Variants in BLOC1S5 observed in about 807,000 individuals in gnomAD.
BLOC1S5 encodes the protein biogenesis of lysosome-related organelles complex 1 subunit 5.
BLOC1S5 carries 27 observed loss-of-function variants against 24.3 expected under a neutral mutation model. The ratio of observed to expected loss-of-function variants is 1.11; its 90% CI spans 0.82 to 1.53. BLOC1S5 has a LOEUF of 1.53. Among genes scored for constraint, BLOC1S5 ranks in the 40% most tolerant of loss-of-function variants. BLOC1S5 has a pLI of 0.00. For missense variants in BLOC1S5, 239 were observed against 229.4 expected (o/e 1.04, Z -0.27); for synonymous variants, 84 against 74.5 (o/e 1.13, Z -0.66).
intron 2 of BLOC1S5, among the ~76,000 whole-genome samples, chr6:8,052,893 G>A (rs1581430999): frequency 7.4e-6 from 1 of 135,130 alleles, no homozygotes; most frequent in Non-Finnish European, 1.6e-5. Context: ...GCGAGACTCT[G>A]TCAAAAAAAA....
intron 3 of BLOC1S5, among the ~76,000 whole-genome samples, chr6:8,035,780 A>G (rs954704637): frequency 3.3e-5 from 5 of 152,200 alleles, no homozygotes; most frequent in African/African-American, 1.2e-4. Flanking sequence ...AGAATGCAAT[A>G]GCCGCAGGAG....
At position 8,061,238 on chromosome 6, in the gene BLOC1S5, T is replaced by A. The variant is rs1764502332; in HGVS notation, c.195+1296A>T. Among the ~76,000 whole-genome samples, 3 of 152,096 alleles carry A rather than the reference T, an allele frequency of 2.0e-5. No individual in the cohort carries two copies. The South Asian group carries it at 6.3e-4, about 32-fold the overall frequency. ...TTATTCTTATTCCTAATAAGAATAATAAATAATGATGACAAATAAATAAAT... is the reference window on the plus strand; with the variant it reads ...TTATTCTTATTCCTAATAAGAATAAAAAATAATGATGACAAATAAATAAAT... On this transcript the variant is annotated intron_variant, in intron 2 of 4. Coordinates refer to ENST00000397457, the MANE Select transcript of BLOC1S5 (RefSeq NM_201280.3).
intron 2 of BLOC1S5, among the ~76,000 whole-genome samples, chr6:8,043,295 T>A (rs1476284936): frequency 6.6e-6 from 1 of 152,098 alleles, no homozygotes; most frequent in African/African-American, 2.4e-5. Context: ...ACTAGCAACA[T>A]GATACTAGAG....
At chr6:8,061,582 T>C (rs564154260) in intron 2 of BLOC1S5, among the ~76,000 whole-genome samples, 3 of 152,336 alleles carry the variant, frequency 2.0e-5, no homozygotes, top group Admixed American at 6.5e-5. Context: ...GCTTATCTAA[T>C]GCAACAGCTC....
At chr6:8,017,309 C>T (rs1429658736) in intron 4 of BLOC1S5, among the ~76,000 whole-genome samples, 1 of 151,978 alleles carries the variant, frequency 6.6e-6, no homozygotes, top group East Asian at 1.9e-4. Context: ...ACCTGAGAGG[C>T]GGAGGTTGCA....
In BLOC1S5 at chr6:8,025,230, C is replaced by A. The variant is rs141006672; in HGVS notation, c.384+1137G>T. ...TTTAGCTCCTTAAGTGTAGGAACAG[C>A]CCTAAAGTTAACAAAATCGATCATC... On this transcript the variant is annotated intron_variant, in intron 4 of 4. Coordinates refer to ENST00000397457, the MANE Select transcript of BLOC1S5 (RefSeq NM_201280.3). Among the ~76,000 whole-genome samples the A allele has an allele frequency of 1.9e-3, 288 of 152,356 alleles. 1 individual carries two copies. The highest frequency in any genetic ancestry group is 6.6e-3 in the African/African-American group (276 of 41,582).
In BLOC1S5 at chr6:8,024,168, T is replaced by C. The variant is rs1227026328; in HGVS notation, c.384+2199A>G. 2.0e-5 allele frequency among the ~76,000 whole-genome samples: 3 copies of C among 152,044 alleles called. No individual in the cohort carries two copies. The East Asian group carries it at 5.8e-4, about 29-fold the overall frequency. ...AACATTTCAGTATATTTTAAAATACTAATTTTTAATATATATTCTATAAAA... is the reference window on the plus strand; with the variant it reads ...AACATTTCAGTATATTTTAAAATACCAATTTTTAATATATATTCTATAAAA... On this transcript the variant is annotated intron_variant, in intron 4 of 4. Transcript: ENST00000397457.
At chr6:8,054,631 G>A (rs778553586) in intron 2 of BLOC1S5, among the ~76,000 whole-genome samples, 10 of 152,208 alleles carry the variant, frequency 6.6e-5, no homozygotes, top group African/African-American at 1.9e-4. Flanking sequence ...TAACAACTGC[G>A]TTTTCTTGCC....
chr6:8,028,874 C>T (rs150538621), intron 3 of BLOC1S5, among the ~76,000 whole-genome samples: 1 of 151,836 alleles, frequency 6.6e-6, no homozygotes, highest in East Asian at 1.9e-4. Context: ...TTTCTCTGAA[C>T]CTTCCTATCA....
In BLOC1S5 at chr6:8,041,127, T is replaced by C. The variant is rs1391971071; in HGVS notation, c.325+12A>G. 3 of 1,562,602 alleles carry C rather than the reference T, an allele frequency of 1.9e-6. No individual in the cohort carries two copies. Among genetic ancestry groups the C allele is most frequent in the East Asian group, 2.3e-5 (1 of 43,780 alleles). On this transcript the variant is annotated intron_variant, in intron 3 of 4. Transcript: ENST00000397457. ...GAAATGAAAAGCAATTAAAAAAGAATTGCTGACTCACATCTCTGGAGAACC... is the reference window on the plus strand; with the variant it reads ...GAAATGAAAAGCAATTAAAAAAGAACTGCTGACTCACATCTCTGGAGAACC...
In BLOC1S5 at chr6:8,064,309, C is replaced by G; in HGVS notation, c.68G>C (p.Arg23Thr). 6.2e-7 allele frequency: 1 copy of G among 1,613,742 alleles called. No individual in the cohort carries two copies. The change falls in exon 1 of 5, where the codon AGG (arginine) becomes ACG (threonine). Residue 23 changes from arginine to threonine, a missense_variant. Physicochemically the swap from Arg to Thr is moderately conservative, Grantham distance 71 (BLOSUM62 -1). Transcript: ENST00000397457. ...EAAPGGGSKK[R>T]DSLGTAGSAH... ...TGAGCCCGCAGTCCCCAGGGAGTCC[C>G]TCTTCTTGCTGCCACCGCCCGGGGC... is the stretch of plus-strand genomic sequence containing the variant.
intron 2 of BLOC1S5, among the ~76,000 whole-genome samples, chr6:8,057,141 T>C (rs1421163954): frequency 1.3e-5 from 2 of 151,854 alleles, no homozygotes; most frequent in African/African-American, 2.4e-5. Context: ...ATCGCTTGAA[T>C]CTGGGAGGGG....
intron 3 of BLOC1S5, among the ~76,000 whole-genome samples, chr6:8,030,077 A>G (rs1763245145): frequency 6.6e-6 from 1 of 152,188 alleles, no homozygotes; most frequent in South Asian, 2.1e-4. Flanking sequence ...CTGACCAACA[A>G]TGCAAAATAG....
chr6:8,054,692 T>C (rs1755893241), intron 2 of BLOC1S5, among the ~76,000 whole-genome samples: 1 of 152,262 alleles, frequency 6.6e-6, no homozygotes. Flanking sequence ...ACTCTTTTTC[T>C]ATAAAGTCTA....
chr6:8,022,380 A>G (rs1204926111), intron 4 of BLOC1S5, among the ~76,000 whole-genome samples: 1 of 151,208 alleles, frequency 6.6e-6, no homozygotes, highest in African/African-American at 2.4e-5. Flanking sequence ...ACTCTGAAAA[A>G]CCCAACTAAG....
At chr6:8,059,036 T>C (rs1764426303) in intron 2 of BLOC1S5, among the ~76,000 whole-genome samples, 1 of 152,220 alleles carries the variant, frequency 6.6e-6, no homozygotes, top group Non-Finnish European at 1.5e-5. Context: ...TTGACCACCA[T>C]CAGTCTCTGC....
intron 4 of BLOC1S5, among the ~76,000 whole-genome samples, chr6:8,022,568 A>ATTTTTTTTTTTTTTTTTTTT: frequency 8.1e-6 from 1 of 123,954 alleles, no homozygotes; most frequent in Non-Finnish European, 1.6e-5. Context: ...TTCAAACTCT[A>ATTTTTTTTTTTTTTTTTTTT]TTTTTTTTTT....
chr6:8,061,014 G>C (rs1764492150), intron 2 of BLOC1S5, among the ~76,000 whole-genome samples: 1 of 152,118 alleles, frequency 6.6e-6, no homozygotes, highest in African/African-American at 2.4e-5. Context: ...TTTAAGTAGA[G>C]ATGGAGTTTT....
rs775722861 is a variant in BLOC1S5 at position 8,064,300 on chromosome 6, A to G, written c.77T>C (p.Leu26Pro). ...GAGGTGCGCTGAGCCCGCAGTCCCCAGGGAGTCCCTCTTCTTGCTGCCACC... is the reference window on the plus strand; with the variant it reads ...GAGGTGCGCTGAGCCCGCAGTCCCCGGGGAGTCCCTCTTCTTGCTGCCACC... ...PGGGSKKRDS[L>P]GTAGSAHLII... is the part of the protein sequence containing the mutation. Residue 26 changes from leucine (L) to proline (P), a missense_variant, in exon 1 of 5, where the codon CTG (leucine) becomes CCG (proline). Coordinates refer to ENST00000397457, the MANE Select transcript of BLOC1S5 (RefSeq NM_201280.3). The G allele has an allele frequency of 5.6e-6, 9 of 1,613,642 alleles. No homozygotes were observed. The highest frequency in any genetic ancestry group is 1.3e-5 in the African/African-American group (1 of 74,910).
Sources: allele counts gnomAD v4.1 joint callset (sites outside exome capture counted in the v4.1 genomes callset), GRCh38; gene constraint gnomAD v4.1.1; transcripts MANE v1.5; gene names NCBI Gene and HGNC (gene_info 2026-07-23, HGNC 2026-07-21).